BRSK2: variants seen among roughly 807,000 people sequenced by gnomAD.
BRSK2 encodes BR serine/threonine kinase 2.
A neutral mutation model predicts 83.3 loss-of-function variants in BRSK2; 19 were observed. That is an observed-to-expected ratio of 0.23 (90% CI 0.16 to 0.33). The LOEUF is 0.33. Among genes scored for constraint, BRSK2 ranks in the 10% least tolerant of loss-of-function variants. The pLI is 1.00. For synonymous variants in BRSK2, 519 were observed against 435.4 expected, an observed-to-expected ratio of 1.19 and a Z score of -2.39; for missense variants, 798 against 1,042.3, an observed-to-expected ratio of 0.77 and a Z score of 3.23.
At chr11:1,446,113 A>AGCTGAGCTGGGCTGGGC (rs1564859332) in intron 12 of BRSK2, among the ~76,000 whole-genome samples, 15 of 97,914 alleles carry the variant, frequency 1.5e-4, no homozygotes, top group African/African-American at 5.1e-4. Flanking sequence ...CTGGGCTGGG[A>AGCTGAGCTGGGCTGGGC]GCTGAGCTGG....
In BRSK2 at chr11:1,438,253, C is replaced by T. The variant is rs758862814; in HGVS notation, c.187-53C>T. ...CACCAAAGGCAGTGTCTGTGGGGAGCGATGCGTGCCCCAGCCCTGTGAGCG... is the reference window on the plus strand; with the variant it reads ...CACCAAAGGCAGTGTCTGTGGGGAGTGATGCGTGCCCCAGCCCTGTGAGCG... On this transcript the variant is annotated intron_variant, in intron 2 of 19. Coordinates refer to ENST00000528841, the MANE Select transcript of BRSK2 (RefSeq NM_001256627.2). The surrounding 1 kb of genome is among the most constrained non-coding windows in gnomAD (Gnocchi z 6.4). 1.9e-5 allele frequency: 29 copies of T among 1,550,950 alleles called. No homozygotes were observed. Among genetic ancestry groups the T allele is most frequent in the Non-Finnish European group, 2.4e-5 (27 of 1,125,540 alleles).
intron 1 of BRSK2, among the ~76,000 whole-genome samples, chr11:1,415,385 C>T (rs753428467): frequency 7.9e-5 from 12 of 152,166 alleles, no homozygotes; most frequent in African/African-American, 1.9e-4. Flanking sequence ...TGAGCCACTG[C>T]GCCTGGCCCT....
chr11:1,460,735 C>CCG lies in BRSK2; in HGVS notation c.*13_*14insGC, dbSNP rs1447377689. On this transcript the variant is annotated 3_prime_UTR_variant, in exon 20 of 20. Coordinates refer to ENST00000528841, the MANE Select transcript of BRSK2 (RefSeq NM_001256627.2). ...GCGAGCAGCCTTAGACACACTAGCC[C>CCG]CCCCCCCCAGCACAGCACTGACAGC... 6.5e-6 allele frequency: 9 copies of CCG among 1,389,708 alleles called. No individual in the cohort carries two copies. Among genetic ancestry groups the CCG allele is most frequent in the Non-Finnish European group, 8.5e-6 (9 of 1,056,724 alleles). 86.1% of individuals were successfully genotyped at this position (1,389,708 alleles called of 1,614,324 possible).
intron 12 of BRSK2, among the ~76,000 whole-genome samples, chr11:1,449,386 G>A (rs1845524243): frequency 2.0e-5 from 3 of 152,238 alleles, no homozygotes; most frequent in Admixed American, 2.0e-4. Context: ...GGGGGGCTTG[G>A]CAGGTGGGAG....
chr11:1,457,616 G>A (rs1846770103), intron 18 of BRSK2, among the ~76,000 whole-genome samples: 1 of 152,148 alleles, frequency 6.6e-6, no homozygotes. Flanking sequence ...TGGGGGCGCT[G>A]GGCGTCGTGG....
chr11:1,414,560 C>G (rs1847892356), intron 1 of BRSK2, among the ~76,000 whole-genome samples: 1 of 152,234 alleles, frequency 6.6e-6, no homozygotes, highest in Non-Finnish European at 1.5e-5. Flanking sequence ...TATTTTATCA[C>G]TGACATTGTT....
intron 1 of BRSK2, among the ~76,000 whole-genome samples, chr11:1,418,348 T>TTC (rs1423580511): frequency 2.0e-5 from 3 of 150,188 alleles, no homozygotes; most frequent in South Asian, 2.1e-4. Flanking sequence ...TGTGTCCTGC[T>TTC]TCTGTTGTCT....
chr11:1,446,879 C>T (rs1241768473), intron 12 of BRSK2, among the ~76,000 whole-genome samples: 1 of 152,176 alleles, frequency 6.6e-6, no homozygotes, highest in East Asian at 1.9e-4. Flanking sequence ...CCCCAGGGCC[C>T]CCTCCTTGTA....
At chr11:1,450,214 C>A (rs1845645581) in intron 13 of BRSK2, among the ~76,000 whole-genome samples, 1 of 151,924 alleles carries the variant, frequency 6.6e-6, no homozygotes, top group South Asian at 2.1e-4. Flanking sequence ...CCTGCGCCTC[C>A]CCGTAGCCTA....
At chr11:1,439,919 C>G (rs1564844927) in intron 3 of BRSK2, among the ~76,000 whole-genome samples, 2 of 152,112 alleles carry the variant, frequency 1.3e-5, no homozygotes, top group Non-Finnish European at 2.9e-5. Flanking sequence ...GGGGGCTTCA[C>G]CACAACCTCT....
At chr11:1,427,748 C>A (rs1302917010) in intron 1 of BRSK2, among the ~76,000 whole-genome samples, 1 of 152,194 alleles carries the variant, frequency 6.6e-6, no homozygotes, top group Non-Finnish European at 1.5e-5. Context: ...GGAAAATAAG[C>A]CACAGTGAGT....
Position 1,444,976 on chromosome 11 carries a change from G to C in BRSK2, c.786G>C (p.Glu262Asp). ...CTGTTTCTCTTTCCTTGTAGCTAGAGCACATTCAGAAACACATATGGTATA... is the reference window on the plus strand; with the variant it reads ...CTGTTTCTCTTTCCTTGTAGCTAGACCACATTCAGAAACACATATGGTATA... ...EVDAARRLTL[E>D]HIQKHIWYIG... The change falls in exon 9 of 20, where the codon GAG (glutamate) becomes GAC (aspartate). Residue 262 changes from glutamate (E) to aspartate (D), a missense_variant. Physicochemically the swap from Glu to Asp is conservative, Grantham distance 45 (BLOSUM62 2). This residue lies in a region of BRSK2 where 145 missense variants were observed against 225.4 expected (regional missense o/e 0.64). Transcript: ENST00000528841. 6.2e-7 allele frequency: 1 copy of C among 1,613,146 alleles called. No homozygotes were observed. Among genetic ancestry groups the C allele is most frequent in the East Asian group, 2.2e-5 (1 of 44,868 alleles).
At chr11:1,441,068 C>T (rs1368599529) in intron 4 of BRSK2, 140 bp downstream of exon 4, 2 of 701,396 alleles carry the variant, frequency 2.9e-6, no homozygotes, top group Non-Finnish European at 4.7e-6. Flanking sequence ...TTAGCTGCCC[C>T]TCAAGTGCAC....
rs549883108 is a variant in BRSK2 at position 1,425,564 on chromosome 11, C to T, written c.92-10476C>T. ...GCAGGCCTGTCCAATGACCCCACCCCCTCAGGACGTTTCCTCCGTGCAGCC... is the reference window on the plus strand; with the variant it reads ...GCAGGCCTGTCCAATGACCCCACCCTCTCAGGACGTTTCCTCCGTGCAGCC... On this transcript the variant is annotated intron_variant, in intron 1 of 19. Transcript: ENST00000528841. Among the ~76,000 whole-genome samples the T allele has an allele frequency of 1.1e-4, 16 of 152,288 alleles. No individual in the cohort carries two copies. In the South Asian group the frequency reaches 3.3e-3, roughly 32 times the overall value.
intron 1 of BRSK2, among the ~76,000 whole-genome samples, chr11:1,399,359 G>A (rs1470975136): frequency 6.6e-6 from 1 of 152,212 alleles, no homozygotes; most frequent in African/African-American, 2.4e-5. Context: ...CCCTGCCACT[G>A]GGGCCAGCGT....
chr11:1,450,063 T>C (rs1845619403), intron 13 of BRSK2, among the ~76,000 whole-genome samples: 1 of 152,112 alleles, frequency 6.6e-6, no homozygotes, highest in South Asian at 2.1e-4. Flanking sequence ...CTTCTTTTCT[T>C]TTGTGGCTAA....
chr11:1,423,273 A>T lies in BRSK2; in HGVS notation c.92-12767A>T, dbSNP rs1032972273. 6.6e-6 allele frequency among the ~76,000 whole-genome samples: 1 copy of T among 151,226 alleles called. No individual in the cohort carries two copies. The highest frequency in any genetic ancestry group is 1.5e-5 in the Non-Finnish European group (1 of 67,832). ...GGCTTCAGAAACGGCAGAACCAGGG[A>T]CCCTCCCCACTGTCCTGTCCTTAGC... is the stretch of plus-strand genomic sequence containing the variant. On this transcript the variant is annotated intron_variant, in intron 1 of 19. Transcript: ENST00000528841. This position sits in a 1 kb window ranked among gnomAD's most constrained non-coding sequence, Gnocchi z 6.5.
At chr11:1,422,264 T>C (rs1248552207) in intron 1 of BRSK2, among the ~76,000 whole-genome samples, 2 of 152,146 alleles carry the variant, frequency 1.3e-5, no homozygotes, top group Non-Finnish European at 2.9e-5. Context: ...AGCCCCCTCC[T>C]GAGCTGTTTG....
intron 1 of BRSK2, among the ~76,000 whole-genome samples, chr11:1,425,325 T>A (rs1849089465): frequency 6.6e-6 from 1 of 152,138 alleles, no homozygotes; most frequent in South Asian, 2.1e-4. Flanking sequence ...GCAGGCTGTG[T>A]GGGGGCCTCG....
Sources: gnomAD v4.1 joint callset for allele counts (sites outside exome capture counted in the v4.1 genomes callset) on GRCh38, gnomAD v4.1.1 for gene constraint, gnomAD v4.1.1 regional missense constraint, Gnocchi (gnomAD v3.1) non-coding constraint, MANE v1.5 for transcripts, NCBI Gene and HGNC (gene_info 2026-07-23, HGNC 2026-07-21) for gene names.